Variants in GFI1B observed in about 807,000 individuals in gnomAD.
The protein encoded by GFI1B is zinc finger protein Gfi-1b.
In GFI1B, 20 loss-of-function variants were observed where a neutral mutation model predicts 35.3. That is an observed-to-expected ratio of 0.57 (90% confidence interval 0.40 to 0.82). The LOEUF (loss-of-function observed/expected upper bound fraction) is 0.82. Ranked by LOEUF, GFI1B falls within the 40% of genes least tolerant of loss-of-function variation. The pLI, the probability that GFI1B is intolerant of heterozygous loss-of-function variation, is 0.00. For missense variants in GFI1B, 430 were observed against 446.3 expected (o/e 0.96, Z 0.33); for synonymous variants, 178 against 177.6 (o/e 1.00, Z -0.02).
intron 1 of GFI1B, among the ~76,000 whole-genome samples, chr9:132,968,590 T>C (rs1848485928): frequency 6.6e-6 from 1 of 152,188 alleles, no homozygotes; most frequent in African/African-American, 2.4e-5. Flanking sequence ...TTGTTTGAAA[T>C]TTTATATAAT....
chr9:132,978,064 G>A (rs1173076463), upstream of GFI1B, among the ~76,000 whole-genome samples: 1 of 151,254 alleles, frequency 6.6e-6, no homozygotes, highest in Non-Finnish European at 1.5e-5. Flanking sequence ...CATTGCACCA[G>A]CCTGGCTCTC....
In GFI1B at chr9:132,972,723, A is replaced by G. The variant is rs936060144; in HGVS notation, c.-700-2A>G. On this transcript the variant is annotated splice_acceptor_variant, in intron 1 of 10. Coordinates refer to the GFI1B transcript ENST00000339463. LOFTEE classifies it low-confidence loss of function (5UTR_SPLICE). ...ACAGATAATTATTTTCACTTTTTTC[A>G]GGCTGGTTTTTGTTCGAGGAAAGGT... The G allele has an allele frequency of 6.6e-6, 1 of 152,234 alleles. No homozygotes were observed. The highest frequency in any genetic ancestry group is 6.5e-5 in the Admixed American group (1 of 15,282). 9.4% of individuals were successfully genotyped at this position (152,234 alleles called of 1,614,324 possible). A position where few individuals can be genotyped will look rare whatever the true frequency, so the allele number is the denominator to read the frequency against.
chr9:132,976,517 C>T (rs1437598868), upstream of GFI1B: 1 of 152,328 alleles, frequency 6.6e-6, no homozygotes, highest in Non-Finnish European at 1.5e-5. Context: ...AATCCCAGCA[C>T]TTTGGGAGGC....
Position 132,991,409 on chromosome 9 carries a change from C to A in GFI1B, c.*359C>A. Reference sequence around the variant, plus strand: ...GACCCACAGACAGAACCTCCACCTGCCTGCTGCCCACTGAGCTGGGACCTG... The same window carrying A: ...GACCCACAGACAGAACCTCCACCTGACTGCTGCCCACTGAGCTGGGACCTG... On this transcript the variant is annotated 3_prime_UTR_variant, in exon 7 of 7. Coordinates refer to ENST00000372122, the MANE Select transcript of GFI1B (RefSeq NM_001377304.1). 1 of 297,832 alleles carries A rather than the reference C, an allele frequency of 3.4e-6. No individual in the cohort carries two copies. The allele number at this position is 297,832 out of a possible 1,614,324, so 18.4% of individuals were successfully genotyped here.
intron 6 of GFI1B, among the ~76,000 whole-genome samples, 191 bp from the exon 7 acceptor site, chr9:132,990,681 G>A (rs1393188804): frequency 6.6e-6 from 1 of 152,264 alleles, no homozygotes; most frequent in Non-Finnish European, 1.5e-5. Context: ...CAGTAGGGGT[G>A]GAGGAGGGTC....
At chr9:132,964,554 G>A (rs1273321805) in intron 1 of GFI1B, among the ~76,000 whole-genome samples, 2 of 152,010 alleles carry the variant, frequency 1.3e-5, no homozygotes, top group Non-Finnish European at 2.9e-5. Flanking sequence ...TCAATGCCTG[G>A]TCACAATCAC....
At chr9:132,971,840 G>A (rs1263278871) in intron 1 of GFI1B, among the ~76,000 whole-genome samples, 1 of 151,976 alleles carries the variant, frequency 6.6e-6, no homozygotes, top group African/African-American at 2.4e-5. Context: ...TGGGTATGGT[G>A]GCACGTGCCT....
upstream of GFI1B, among the ~76,000 whole-genome samples, chr9:132,974,595 C>G (rs1848593153): frequency 1.0e-5 from 1 of 100,416 alleles, no homozygotes. Flanking sequence ...GAGCCAGAAT[C>G]CGTCTCAAAA....
intron 1 of GFI1B, chr9:132,947,080 C>A (rs1848122178): frequency 6.6e-6 from 1 of 152,336 alleles, no homozygotes; most frequent in African/African-American, 2.4e-5. Context: ...AGACCACTAC[C>A]TTCCATACAC....
At chr9:132,965,939 C>T (rs960352119) in intron 1 of GFI1B, among the ~76,000 whole-genome samples, 3 of 152,222 alleles carry the variant, frequency 2.0e-5, no homozygotes, top group Non-Finnish European at 4.4e-5. Flanking sequence ...AGTTCTGGCA[C>T]ATGTTTACCT....
In GFI1B at chr9:132,989,965, G is replaced by A; in HGVS notation, c.814+58G>A. On this transcript the variant is annotated intron_variant, in intron 6 of 6. Transcript: ENST00000372122. This position sits in a 1 kb window ranked among gnomAD's most constrained non-coding sequence, Gnocchi z 6.2. ...GCAGAGCACCCCCACCTTTCCCTGAGAGATGCATCAGAGGCCCCCAGCGTG... is the reference window on the plus strand; with the variant it reads ...GCAGAGCACCCCCACCTTTCCCTGAAAGATGCATCAGAGGCCCCCAGCGTG... 1 of 1,501,340 alleles carries A rather than the reference G, an allele frequency of 6.7e-7. No homozygotes were observed. Among genetic ancestry groups the A allele is most frequent in the Admixed American group, 1.7e-5 (1 of 58,406 alleles). 93.0% of individuals were successfully genotyped at this position (1,501,340 alleles called of 1,614,324 possible).
At chr9:132,987,499 C>T in intron 3 of GFI1B, 80 bp downstream of exon 3, 1 of 1,541,290 alleles carries the variant, frequency 6.5e-7, no homozygotes, top group East Asian at 2.3e-5. Context: ...AGCAGGGCCC[C>T]TTGGGGCCCT....
At position 132,986,917 on chromosome 9, in the gene GFI1B, A is replaced by G. The variant is rs1849089631; in HGVS notation, c.100+139A>G. 7.5e-6 allele frequency: 5 copies of G among 664,636 alleles called. No homozygotes were observed. In the East Asian group the frequency reaches 1.4e-4, roughly 18 times the overall value. The allele number at this position is 664,636 out of a possible 1,614,324, so 41.2% of individuals were successfully genotyped here. A position where few individuals can be genotyped will look rare whatever the true frequency, so the allele number is the denominator to read the frequency against. On this transcript the variant is annotated intron_variant, in intron 2 of 6. Transcript: ENST00000372122. ...CAGGAGTGCAGTAACTGTGGGTTGC[A>G]GATGAAAGGAGTAGACAAATGAGTG...
chr9:132,969,310 C>T (rs553282509), intron 1 of GFI1B, among the ~76,000 whole-genome samples: 6 of 152,314 alleles, frequency 3.9e-5, no homozygotes, highest in Admixed American at 6.5e-5. Context: ...GGATTACAGG[C>T]GTGAGCCACT....
At chr9:132,945,807 ATTCC>A (rs1564519475) in intron 1 of GFI1B, 9 of 153,518 alleles carry the variant, frequency 5.9e-5, no homozygotes, top group Admixed American at 3.3e-4. Context: ...AGAGAAGGCC[ATTCC>A]AGGCAGAGGG....
At chr9:132,984,509 C>T (rs917781714) in intron 1 of GFI1B, among the ~76,000 whole-genome samples, 3 of 152,154 alleles carry the variant, frequency 2.0e-5, no homozygotes, top group Non-Finnish European at 4.4e-5. Context: ...GGGCCTTGAG[C>T]GCGGCCCTGG....
At chr9:132,955,172 TA>T (rs1259761880) in intron 1 of GFI1B, among the ~76,000 whole-genome samples, 1 of 152,242 alleles carries the variant, frequency 6.6e-6, no homozygotes, top group Non-Finnish European at 1.5e-5. Context: ...ACATTTTTTA[TA>T]AAATGAGCAT....
chr9:132,989,828 G>T lies in GFI1B; in HGVS notation c.735G>T (p.Thr245=), dbSNP rs368151614. The change falls in exon 6 of 7, where the codon ACG becomes ACT. Residue 245 remains threonine, a synonymous_variant. Coordinates refer to ENST00000372122, the MANE Select transcript of GFI1B (RefSeq NM_001377304.1). The surrounding 1 kb of genome is among the most constrained non-coding windows in gnomAD (Gnocchi z 6.2). ...LSTHLLIHSD[T]RPYPCQFCGK... is the part of the protein sequence containing the mutation. ...CCCACCTGCTCATCCACTCAGACAC[G>T]CGGCCCTACCCCTGCCAGTTCTGCG... The T allele has an allele frequency of 1.9e-6, 3 of 1,614,052 alleles. No homozygotes were observed. The African/African-American group carries it at 4.0e-5, about 22-fold the overall frequency.
intron 1 of GFI1B, among the ~76,000 whole-genome samples, chr9:132,954,812 G>A (rs900654866): frequency 2.0e-5 from 3 of 151,250 alleles, no homozygotes; most frequent in Admixed American, 6.6e-5. Flanking sequence ...TCCTCCTCCC[G>A]GGTTCAAGTG....
Sources: gnomAD v4.1 joint callset for allele counts (sites outside exome capture counted in the v4.1 genomes callset) on GRCh38, gnomAD v4.1.1 for gene constraint, Gnocchi (gnomAD v3.1) non-coding constraint, MANE v1.5 for transcripts, NCBI Gene and HGNC (gene_info 2026-07-23, HGNC 2026-07-21) for gene names.